UNC5A: variants seen among roughly 807,000 people sequenced by gnomAD.
UNC5A encodes unc-5 netrin receptor A, also known as netrin receptor UNC5A.
In UNC5A, 20 loss-of-function variants were observed where a neutral mutation model predicts 87.4. The ratio of observed to expected loss-of-function variants is 0.23; its 90% confidence interval spans 0.16 to 0.33. The LOEUF is 0.33. Among genes scored for constraint, UNC5A ranks in the 10% least tolerant of loss-of-function variants. The pLI, the probability that UNC5A is intolerant of heterozygous loss-of-function variation, is 1.00. For synonymous variants in UNC5A, 438 were observed against 482.3 expected (o/e 0.91, Z 1.20); for missense variants, 844 against 1,133.4 (o/e 0.74, Z 3.67).
chr5:176,833,861 A>C (rs1757084725), intron 1 of UNC5A, among the ~76,000 whole-genome samples: 1 of 152,016 alleles, frequency 6.6e-6, no homozygotes, highest in East Asian at 1.9e-4. Flanking sequence ...GGCGCCCACC[A>C]CTACGCCCAG....
rs1223015629 is a variant in UNC5A at position 176,880,092 on chromosome 5, A to G, written c.*206A>G. The G allele has an allele frequency of 3.7e-5, 24 of 653,596 alleles. No homozygotes were observed. The South Asian group carries it at 4.7e-4, about 13-fold the overall frequency. The allele number at this position is 653,596 out of a possible 1,614,324, so 40.5% of individuals were successfully genotyped here. Reference sequence around the variant, plus strand: ...CCTGCCTAGCCAGGCTGGCACTGCCACTCACACTCGGCCCCAGGGCCCAGG... The same window carrying G: ...CCTGCCTAGCCAGGCTGGCACTGCCGCTCACACTCGGCCCCAGGGCCCAGG... On this transcript the variant is annotated 3_prime_UTR_variant, in exon 15 of 15. Coordinates refer to ENST00000329542, the MANE Select transcript of UNC5A (RefSeq NM_133369.3).
rs576024737 is a variant in UNC5A at position 176,844,576 on chromosome 5, C to T, written c.71-18048C>T. 3.9e-5 allele frequency among the ~76,000 whole-genome samples: 6 copies of T among 152,332 alleles called. No homozygotes were observed. Among genetic ancestry groups the T allele is most frequent in the Non-Finnish European group, 7.3e-5 (5 of 68,028 alleles). The stretch of plus-strand genomic sequence containing the variant: ...TGCCACACCGAAATTCACAGCCCAC[C>T]GTGGCTCGGAGGAGCATGGGCTGGT... On this transcript the variant is annotated intron_variant, in intron 1 of 14. Coordinates refer to ENST00000329542, the MANE Select transcript of UNC5A (RefSeq NM_133369.3). The surrounding 1 kb of genome is among the most constrained non-coding windows in gnomAD (Gnocchi z 4.2).
rs1377248742 is a variant in UNC5A, at chr5:176,865,466, G to A, written c.292+2621G>A. 5.9e-5 allele frequency: 23 copies of A among 389,542 alleles called. No homozygotes were observed. The highest frequency in any genetic ancestry group is 4.2e-4 in the Middle Eastern group (1 of 2,356). The allele number at this position is 389,542 out of a possible 1,614,324, so 24.1% of individuals were successfully genotyped here. A position where few individuals can be genotyped will look rare whatever the true frequency, so the allele number is the denominator to read the frequency against. ...CCTGTGGCCCTGTTCTCTTCCTGCC[G>A]GGCAGAGAAGCAGAGCTTGGGACAC... On this transcript the variant is annotated intron_variant, in intron 2 of 14. Transcript: ENST00000329542. This position sits in a 1 kb window ranked among gnomAD's most constrained non-coding sequence, Gnocchi z 5.3.
chr5:176,868,055 G>C (rs1466455014), intron 2 of UNC5A, 75 bp from the exon 3 acceptor site: 1 of 1,446,830 alleles, frequency 6.9e-7, no homozygotes, highest in East Asian at 2.5e-5. Flanking sequence ...GAGTGGCTGA[G>C]GGTGGCGCAG....
Position 176,869,270 on chromosome 5 carries a change from G to C in UNC5A, c.721+306G>C, listed in dbSNP as rs1326672426. ...CCCCACTCCTGAGTCTCCAAGGGGG[G>C]AATCAGAAGCCACACAGTCCAGGCA... On this transcript the variant is annotated intron_variant, in intron 5 of 14. Transcript: ENST00000329542. The surrounding 1 kb of genome is among the most constrained non-coding windows in gnomAD (Gnocchi z 9.1). 2.0e-5 allele frequency among the ~76,000 whole-genome samples: 3 copies of C among 152,136 alleles called. No individual in the cohort carries two copies. The highest frequency in any genetic ancestry group is 7.2e-5 in the African/African-American group (3 of 41,442).
chr5:176,854,025 G>A (rs1297410778), intron 1 of UNC5A, among the ~76,000 whole-genome samples: 2 of 152,352 alleles, frequency 1.3e-5, no homozygotes, highest in South Asian at 2.1e-4. Context: ...ATAAGGCCAG[G>A]GAAGCAGCTG....
intron 2 of UNC5A, chr5:176,864,673 C>T (rs1406261503): frequency 3.1e-5 from 10 of 325,450 alleles, no homozygotes; most frequent in South Asian, 1.3e-4. Flanking sequence ...CCCCAAGTGT[C>T]GTCTCAGTGC....
chr5:176,876,158 G>A (rs1190564710), intron 8 of UNC5A, among the ~76,000 whole-genome samples: 1 of 152,246 alleles, frequency 6.6e-6, no homozygotes, highest in Non-Finnish European at 1.5e-5. Flanking sequence ...ATTAGGAGTT[G>A]ATGAATGAGG....
At chr5:176,833,306 C>A (rs1757069542) in intron 1 of UNC5A, among the ~76,000 whole-genome samples, 1 of 150,158 alleles carries the variant, frequency 6.7e-6, no homozygotes, top group Non-Finnish European at 1.5e-5. Flanking sequence ...CCTCCTCCCA[C>A]CCTCCACCCT....
rs372629248 is a variant in UNC5A, at chr5:176,879,700, C to T, written c.2364-21C>T. The T allele has an allele frequency of 3.0e-5, 49 of 1,609,278 alleles. No individual in the cohort carries two copies. In the African/African-American group the frequency reaches 5.1e-4, roughly 17 times the overall value. Reference sequence around the variant, plus strand: ...GGCTGGGGCCAGGCCAGGCTGCTGACGGCCCCCCTCCCCTCCACAGCCATC... The same window carrying T: ...GGCTGGGGCCAGGCCAGGCTGCTGATGGCCCCCCTCCCCTCCACAGCCATC... On this transcript the variant is annotated intron_variant, in intron 14 of 14. Coordinates refer to ENST00000329542, the MANE Select transcript of UNC5A (RefSeq NM_133369.3).
At position 176,875,020 on chromosome 5, in the gene UNC5A, G is replaced by A. The variant is rs1758226214; in HGVS notation, c.1378+454G>A. On this transcript the variant is annotated intron_variant, in intron 8 of 14. Transcript: ENST00000329542. This position sits in a 1 kb window ranked among gnomAD's most constrained non-coding sequence, Gnocchi z 5.2. ...TTCCATGGCTGCCTTGCAAGAAGTGGCTGCAGCCTCTGGCATGGCTGGCCA... is the reference window on the plus strand; with the variant it reads ...TTCCATGGCTGCCTTGCAAGAAGTGACTGCAGCCTCTGGCATGGCTGGCCA... Among the ~76,000 whole-genome samples the A allele has an allele frequency of 1.3e-5, 2 of 152,120 alleles. No homozygotes were observed. The highest frequency in any genetic ancestry group is 1.3e-4 in the Admixed American group (2 of 15,278).
chr5:176,877,350 C>A, intron 9 of UNC5A, 71 bp downstream of exon 9: 1 of 1,450,754 alleles, frequency 6.9e-7, no homozygotes, highest in East Asian at 2.3e-5. Flanking sequence ...AGGAAGCCCC[C>A]TGCCCACCCA....
At chr5:176,860,663 C>T (rs539738485) in intron 1 of UNC5A, among the ~76,000 whole-genome samples, 6 of 152,326 alleles carry the variant, frequency 3.9e-5, no homozygotes, top group South Asian at 2.1e-4. Flanking sequence ...CCCCCAGCGT[C>T]GCCTGCATTC....
At position 176,848,777 on chromosome 5, in the gene UNC5A, C is replaced by T. The variant is rs956892985; in HGVS notation, c.71-13847C>T. On this transcript the variant is annotated intron_variant, in intron 1 of 14. Transcript: ENST00000329542. This position sits in a 1 kb window ranked among gnomAD's most constrained non-coding sequence, Gnocchi z 5.8. ...CAGGGGCAGGAGCTGAGGCTCAGAC[C>T]ACGGGCACACAAGATGGGCAGCCGC... is the stretch of plus-strand genomic sequence containing the variant. Among the ~76,000 whole-genome samples, 1 of 152,168 alleles carries T rather than the reference C, an allele frequency of 6.6e-6. No individual in the cohort carries two copies. Among genetic ancestry groups the T allele is most frequent in the African/African-American group, 2.4e-5 (1 of 41,428 alleles).
chr5:176,859,121 G>GCTGCTACAATGTCCTTGCTAGAGGGCATA (rs1561659348), intron 1 of UNC5A, among the ~76,000 whole-genome samples: 3 of 36,994 alleles, frequency 8.1e-5, no homozygotes, highest in African/African-American at 2.1e-4. Flanking sequence ...TAGAGGGCAT[G>GCTGCTACAATGTCCTTGCTAGAGGGCATA]GCTGCTAGAA....
In UNC5A at chr5:176,877,208, C is replaced by T. The variant is rs1758283058; in HGVS notation, c.1395C>T (p.Ile465=). 6.2e-7 allele frequency: 1 copy of T among 1,611,726 alleles called. No homozygotes were observed. ...CCGTTCCAGGAATCAGCCTCCTCAT[C>T]CCCCCAGATGCCATACCCCGAGGGA... is the stretch of plus-strand genomic sequence containing the variant. ...MIPNTGISLL[I]PPDAIPRGKI... The change falls in exon 9 of 15, where the codon ATC becomes ATT. Residue 465 remains isoleucine, a synonymous_variant. Transcript: ENST00000329542.
At chr5:176,861,426 G>A (rs1200167863) in intron 1 of UNC5A, among the ~76,000 whole-genome samples, 1 of 152,192 alleles carries the variant, frequency 6.6e-6, no homozygotes, top group African/African-American at 2.4e-5. Flanking sequence ...AGGAGCTGGT[G>A]CACACACCTC....
chr5:176,861,275 T>C (rs1399323282), intron 1 of UNC5A, among the ~76,000 whole-genome samples: 1 of 152,216 alleles, frequency 6.6e-6, no homozygotes, highest in African/African-American at 2.4e-5. Context: ...TTTCATTTCA[T>C]CCTCACAACA....
chr5:176,840,299 G>A (rs546987031), intron 1 of UNC5A, among the ~76,000 whole-genome samples: 2 of 152,270 alleles, frequency 1.3e-5, no homozygotes, highest in South Asian at 4.2e-4. Context: ...GTGTCAGAGA[G>A]AGGAGGGAAG....
Sources: allele counts gnomAD v4.1 joint callset (sites outside exome capture counted in the v4.1 genomes callset), GRCh38; gene constraint gnomAD v4.1.1; non-coding constraint Gnocchi (gnomAD v3.1); transcripts MANE v1.5; gene names NCBI Gene and HGNC (gene_info 2026-07-23, HGNC 2026-07-21).